MINAR2: variants seen among roughly 807,000 people sequenced by gnomAD.
MINAR2 encodes major intrinsically disordered NOTCH2-binding receptor 1-like.
In MINAR2, 21 loss-of-function variants were observed where a neutral mutation model predicts 16.1. That is an observed-to-expected ratio of 1.31 (90% CI 0.93 to 1.88). The LOEUF (loss-of-function observed/expected upper bound fraction) is 1.88. MINAR2 is among the 40% of genes most tolerant of loss of function. The pLI is 0.00. For missense variants in MINAR2, 259 were observed against 229.8 expected (o/e 1.13, Z -0.82); for synonymous variants, 86 against 83.0 (o/e 1.04, Z -0.20).
intron 1 of MINAR2, among the ~76,000 whole-genome samples, chr5:129,749,452 G>T (rs1757959424): frequency 6.6e-6 from 1 of 152,026 alleles, no homozygotes; most frequent in South Asian, 2.1e-4. Flanking sequence ...CCATTGTAAG[G>T]CAGCCTATTA....
chr5:129,758,507 T>A (rs1758083863), intron 1 of MINAR2, among the ~76,000 whole-genome samples: 1 of 152,072 alleles, frequency 6.6e-6, no homozygotes, highest in African/African-American at 2.4e-5. Flanking sequence ...GAATGTTCTT[T>A]TAAAATGTAT....
chr5:129,754,268 T>G (rs1561684135), intron 1 of MINAR2, among the ~76,000 whole-genome samples: 2 of 152,140 alleles, frequency 1.3e-5, no homozygotes, highest in African/African-American at 2.4e-5. Flanking sequence ...ACCCTGAAAA[T>G]TTTGAAGAAT....
At chr5:129,756,940 A>G (rs1160461748) in intron 1 of MINAR2, among the ~76,000 whole-genome samples, 18 of 147,338 alleles carry the variant, frequency 1.2e-4, no homozygotes, top group African/African-American at 4.4e-4. Flanking sequence ...ACAGTAAAAA[A>G]AAAAAAAAAA....
At chr5:129,755,934 A>G (rs925462388) in intron 1 of MINAR2, among the ~76,000 whole-genome samples, 2 of 152,064 alleles carry the variant, frequency 1.3e-5, no homozygotes, top group African/African-American at 4.8e-5. Context: ...ATTCTGCTTT[A>G]TAATGCAAGT....
At chr5:129,758,156 T>A (rs1758079478) in intron 1 of MINAR2, among the ~76,000 whole-genome samples, 1 of 152,006 alleles carries the variant, frequency 6.6e-6, no homozygotes, top group Admixed American at 6.6e-5. Flanking sequence ...TTTAAATAAA[T>A]ATTTTAAAAG....
intron 1 of MINAR2, among the ~76,000 whole-genome samples, chr5:129,757,717 T>G (rs1758073262): frequency 6.6e-6 from 1 of 151,896 alleles, no homozygotes; most frequent in Non-Finnish European, 1.5e-5. Context: ...TTCTTAAAAT[T>G]TTCTAATAAA....
Position 129,760,358 on chromosome 5 carries a change from C to T in MINAR2, c.166-20C>T, listed in dbSNP as rs987505084. On this transcript the variant is annotated intron_variant, in intron 1 of 2. Coordinates refer to ENST00000564719, the MANE Select transcript of MINAR2 (RefSeq NM_001257308.2). ...CAGAAGGCCCGTTGCTAAGAGATGCCTTGTTTCTTTGCCTCTTAGAGGGAA... is the reference window on the plus strand; with the variant it reads ...CAGAAGGCCCGTTGCTAAGAGATGCTTTGTTTCTTTGCCTCTTAGAGGGAA... The T allele has an allele frequency of 9.2e-6, 14 of 1,526,196 alleles. No homozygotes were observed. The highest frequency in any genetic ancestry group is 3.9e-5 in the Admixed American group (2 of 50,954). 94.5% of individuals were successfully genotyped at this position (1,526,196 alleles called of 1,614,324 possible). A position where few individuals can be genotyped will look rare whatever the true frequency, so the allele number is the denominator to read the frequency against.
In MINAR2 at chr5:129,760,489, C is replaced by G. The variant is rs889163790; in HGVS notation, c.277C>G (p.Leu93Val). The G allele has an allele frequency of 6.5e-7, 1 of 1,535,792 alleles. No homozygotes were observed. Among genetic ancestry groups the G allele is most frequent in the African/African-American group, 1.4e-5 (1 of 73,118 alleles). ...GTCATCAGTTATGAAGAATAACCCACTCTATGGTGACCTAAGTTTGGAGGA... is the reference window on the plus strand; with the variant it reads ...GTCATCAGTTATGAAGAATAACCCAGTCTATGGTGACCTAAGTTTGGAGGA... ...SMSSVMKNNPLYGDLSLEEAM... is the reference protein window; with the variant it reads ...SMSSVMKNNPVYGDLSLEEAM... Residue 93 changes from leucine (L) to valine (V), a missense_variant, in exon 2 of 3, where the codon CTC becomes GTC. By Grantham distance (32) the Leu-to-Val change is conservative (BLOSUM62 1). Coordinates refer to ENST00000564719, the MANE Select transcript of MINAR2 (RefSeq NM_001257308.2).
chr5:129,752,117 G>A (rs1757992623), intron 1 of MINAR2, among the ~76,000 whole-genome samples: 1 of 152,216 alleles, frequency 6.6e-6, no homozygotes, highest in Admixed American at 6.5e-5. Flanking sequence ...CTTTTACACT[G>A]TTGGTGGGAA....
intron 1 of MINAR2, among the ~76,000 whole-genome samples, chr5:129,754,641 C>T (rs2149545415): frequency 6.6e-6 from 1 of 152,136 alleles, no homozygotes; most frequent in African/African-American, 2.4e-5. Flanking sequence ...CATCTAAATA[C>T]TTACATTATT....
chr5:129,752,564 A>T (rs1474648913), intron 1 of MINAR2, among the ~76,000 whole-genome samples: 1 of 152,032 alleles, frequency 6.6e-6, no homozygotes, highest in African/African-American at 2.4e-5. Context: ...ACACATCAGG[A>T]CCTGTCCGGG....
At chr5:129,763,542 A>G (rs1468699614) in intron 2 of MINAR2, among the ~76,000 whole-genome samples, 3 of 152,216 alleles carry the variant, frequency 2.0e-5, no homozygotes, top group Non-Finnish European at 4.4e-5. Flanking sequence ...TCTATTAATG[A>G]AGCTCTTAGT....
At chr5:129,757,211 G>A (rs140057568) in intron 1 of MINAR2, among the ~76,000 whole-genome samples, 1,994 of 151,896 alleles carry the variant, frequency 0.013, 47 homozygotes, top group African/African-American at 0.045. Flanking sequence ...GCCAGGCTTG[G>A]AAGTGGTCTT....
intron 1 of MINAR2, among the ~76,000 whole-genome samples, chr5:129,759,733 G>A (rs1758102854): frequency 6.6e-6 from 1 of 151,980 alleles, no homozygotes; most frequent in Non-Finnish European, 1.5e-5. Flanking sequence ...TGGTTTGCAA[G>A]AATTTATAGA....
chr5:129,766,634 TAAAAA>T lies in MINAR2; in HGVS notation c.*1589_*1593del, dbSNP rs35872824. Reference sequence around the variant, plus strand: ...CCTGGGTGACAGAGTGAGACTTCCATAAAAAAAAAAAAAAAAAAAAAACAAACAAA... The same window carrying T: ...CCTGGGTGACAGAGTGAGACTTCCATAAAAAAAAAAAAAAAAACAAACAAA... On this transcript the variant is annotated 3_prime_UTR_variant, in exon 3 of 3. Transcript: ENST00000564719. 9.2e-3 allele frequency: 949 copies of T among 103,572 alleles called. 11 individuals are homozygous for T. The highest frequency in any genetic ancestry group is 0.041 in the African/African-American group (806 of 19,746). The allele number at this position is 103,572 out of a possible 1,614,324, so 6.4% of individuals were successfully genotyped here.
At chr5:129,759,918 T>C (rs937547606) in intron 1 of MINAR2, among the ~76,000 whole-genome samples, 1 of 152,164 alleles carries the variant, frequency 6.6e-6, no homozygotes, top group African/African-American at 2.4e-5. Context: ...GACATGATAG[T>C]ATTTGTGAAA....
At chr5:129,756,678 A>T (rs144259506) in intron 1 of MINAR2, among the ~76,000 whole-genome samples, 3 of 152,078 alleles carry the variant, frequency 2.0e-5, no homozygotes, top group Non-Finnish European at 4.4e-5. Context: ...GAAAAATTAC[A>T]TGTATAAATT....
Position 129,760,543 on chromosome 5 carries a change from T to C in MINAR2, c.331T>C (p.Ser111Pro). The part of the protein sequence containing the change: ...EAMEERKKNP[S>P]WTIEEYDKHS... ...TATGGAAGAAAGAAAAAAGAACCCCTCATGGACCATTGAGGAATATGACAA... is the reference window on the plus strand; with the variant it reads ...TATGGAAGAAAGAAAAAAGAACCCCCCATGGACCATTGAGGAATATGACAA... The change falls in exon 2 of 3, where the codon TCA (serine) becomes CCA (proline). Residue 111 changes from serine (S) to proline (P), a missense_variant. Ser to Pro is a moderately conservative substitution (Grantham distance 74). Coordinates refer to ENST00000564719, the MANE Select transcript of MINAR2 (RefSeq NM_001257308.2). 6.5e-7 allele frequency: 1 copy of C among 1,535,566 alleles called. No individual in the cohort carries two copies. The highest frequency in any genetic ancestry group is 1.7e-4 in the Middle Eastern group (1 of 5,982).
At position 129,748,149 on chromosome 5, in the gene MINAR2, A is replaced by T; in HGVS notation, c.-42A>T. 1 of 1,520,890 alleles carries T rather than the reference A, an allele frequency of 6.6e-7. No homozygotes were observed. Among genetic ancestry groups the T allele is most frequent in the Non-Finnish European group, 8.8e-7 (1 of 1,136,520 alleles). 94.2% of individuals were successfully genotyped at this position (1,520,890 alleles called of 1,614,324 possible). Reference sequence around the variant, plus strand: ...AATAATGGAGGAGTCTGACAAGAGCAGCTTTGCCTGTCTTTGTTTTCCACT... The same window carrying T: ...AATAATGGAGGAGTCTGACAAGAGCTGCTTTGCCTGTCTTTGTTTTCCACT... On this transcript the variant is annotated 5_prime_UTR_variant, in exon 1 of 3. Transcript: ENST00000564719.
Sources: gnomAD v4.1 joint callset for allele counts (sites outside exome capture counted in the v4.1 genomes callset) on GRCh38, gnomAD v4.1.1 for gene constraint, MANE v1.5 for transcripts, NCBI Gene and HGNC (gene_info 2026-07-23, HGNC 2026-07-21) for gene names.